The following DIAPH2 variants were observed in gnomAD, a reference collection of about 807,000 sequenced individuals.
The protein encoded by DIAPH2 is protein diaphanous homolog 2.
DIAPH2 carries 35 observed loss-of-function variants against 92.7 expected under a neutral mutation model. The ratio of observed to expected loss-of-function variants is 0.38; its 90% CI spans 0.29 to 0.50. The LOEUF is 0.50. Ranked by LOEUF, DIAPH2 falls within the 20% of genes least tolerant of loss-of-function variation. DIAPH2 has a pLI of 0.94. For missense variants in DIAPH2, 701 were observed against 819.5 expected, an observed-to-expected ratio of 0.86 and a Z score of 1.77; for synonymous variants, 301 against 280.4, an observed-to-expected ratio of 1.07 and a Z score of -0.73.
In DIAPH2 at chrX:97,600,726, A is replaced by G. The variant is rs1005903692; in HGVS notation, c.*1409A>G. On this transcript the variant is annotated 3_prime_UTR_variant, in exon 27 of 27. Coordinates refer to ENST00000324765, the MANE Select transcript of DIAPH2 (RefSeq NM_006729.5). ...GTGATTATTGTAAGAAATTTCTTAC[A>G]TGTATATTTCTTATGTAGAAAATAC... The G allele has an allele frequency of 1.0e-5, 1 of 100,170 alleles. No homozygotes were observed. Among genetic ancestry groups the G allele is most frequent in the African/African-American group, 3.7e-5 (1 of 26,709 alleles). 8.3% of individuals were successfully genotyped at this position (100,170 alleles called of 1,213,427 possible).
chrX:96,917,282 C>T (rs1354663059), intron 8 of DIAPH2, among the ~76,000 whole-genome samples: 1 of 111,117 alleles, frequency 9.0e-6, no homozygotes, highest in Non-Finnish European at 1.9e-5. Flanking sequence ...GTAATAATGT[C>T]AATTTGAGTC....
At chrX:97,450,119 T>C (rs1218157849) in intron 26 of DIAPH2, among the ~76,000 whole-genome samples, 2 of 111,516 alleles carry the variant, frequency 1.8e-5, no homozygotes, top group Non-Finnish European at 3.8e-5. Flanking sequence ...AAATTCTACA[T>C]TGCCTGGAAA....
At chrX:97,120,080 G>C (rs773444088) in intron 21 of DIAPH2, among the ~76,000 whole-genome samples, 8 of 111,883 alleles carry the variant, frequency 7.2e-5, no homozygotes, top group Non-Finnish European at 1.3e-4. Context: ...ACCACTTCAA[G>C]TTGTTACAAA....
chrX:96,926,797 C>T (rs2065585040), intron 9 of DIAPH2, among the ~76,000 whole-genome samples: 1 of 110,973 alleles, frequency 9.0e-6, no homozygotes, highest in Admixed American at 9.6e-5. Context: ...ATATAGAAAC[C>T]AATTGTATTT....
At chrX:97,002,124 T>C (rs1415226996) in intron 17 of DIAPH2, among the ~76,000 whole-genome samples, 2 of 110,909 alleles carry the variant, frequency 1.8e-5, no homozygotes, top group Non-Finnish European at 3.8e-5. Flanking sequence ...ACTCAGTAGG[T>C]CAAATCTAAT....
intron 23 of DIAPH2, among the ~76,000 whole-genome samples, chrX:97,343,378 G>A (rs773064034): frequency 9.0e-6 from 1 of 111,722 alleles, no homozygotes; most frequent in East Asian, 2.8e-4. Flanking sequence ...TATAGAAGTC[G>A]CCAGAGGAAT....
Position 97,388,837 on chromosome X carries a change from A to G in DIAPH2, c.3145+4793A>G, listed in dbSNP as rs145277377. On this transcript the variant is annotated intron_variant, in intron 25 of 26. Coordinates refer to ENST00000324765, the MANE Select transcript of DIAPH2 (RefSeq NM_006729.5). ...CATGTTAAAATAAATAACCTTTTAA[A>G]TGAAAACTACCTATATTTTCCAAAA... Among the ~76,000 whole-genome samples the G allele has an allele frequency of 2.2e-4, 25 of 111,820 alleles. No individual in the cohort carries two copies. The East Asian group carries it at 6.4e-3, about 29-fold the overall frequency.
At chrX:96,868,403 A>G (rs5921197) in intron 4 of DIAPH2, among the ~76,000 whole-genome samples, 5,907 of 111,785 alleles carry the variant, frequency 0.053, 178 homozygotes, top group Middle Eastern at 0.14. Context: ...GATTAAAACT[A>G]TGTTCAAGGA....
chrX:97,484,459 A>C (rs1321463263), intron 26 of DIAPH2, among the ~76,000 whole-genome samples: 1 of 112,463 alleles, frequency 8.9e-6, no homozygotes, highest in Non-Finnish European at 1.9e-5. Flanking sequence ...ATACATAGTC[A>C]ATATTATTGA....
intron 17 of DIAPH2, among the ~76,000 whole-genome samples, chrX:96,995,812 C>T (rs1400020408): frequency 1.9e-5 from 2 of 107,733 alleles, no homozygotes; most frequent in African/African-American, 6.8e-5. Context: ...AAGATTGTAG[C>T]TCAGAAGAAT....
At chrX:96,723,867 A>G (rs1367077838) in intron 1 of DIAPH2, among the ~76,000 whole-genome samples, 1 of 110,310 alleles carries the variant, frequency 9.1e-6, no homozygotes, top group Non-Finnish European at 1.9e-5. Context: ...GTACTGACAC[A>G]GTAATGTGGG....
chrX:97,028,191 G>T (rs746816020), intron 17 of DIAPH2, among the ~76,000 whole-genome samples: 5 of 109,898 alleles, frequency 4.5e-5, no homozygotes, highest in African/African-American at 1.0e-4. Context: ...TATTATTTTC[G>T]TGGCCAATCA....
intron 17 of DIAPH2, among the ~76,000 whole-genome samples, chrX:97,010,072 C>T (rs1411483248): frequency 8.9e-6 from 1 of 112,226 alleles, no homozygotes; most frequent in Non-Finnish European, 1.9e-5. Context: ...GACTGCAGAA[C>T]ACTTTAGCCT....
chrX:97,215,434 T>C (rs151263461), intron 22 of DIAPH2, among the ~76,000 whole-genome samples: 1,873 of 111,925 alleles, frequency 0.017, 40 homozygotes, highest in African/African-American at 0.058. Context: ...AATTTCTAGT[T>C]CTAACCATCG....
At chrX:97,470,586 T>A (rs1296404250) in intron 26 of DIAPH2, among the ~76,000 whole-genome samples, 2 of 110,530 alleles carry the variant, frequency 1.8e-5, no homozygotes, top group Non-Finnish European at 3.8e-5. Context: ...GATATTATTA[T>A]TAATCCATTC....
At chrX:97,119,426 T>C (rs2067039466) in intron 21 of DIAPH2, among the ~76,000 whole-genome samples, 1 of 111,440 alleles carries the variant, frequency 9.0e-6, no homozygotes, top group Admixed American at 9.5e-5. Context: ...CTCTCAGCTG[T>C]AGATACCAGC....
intron 4 of DIAPH2, among the ~76,000 whole-genome samples, chrX:96,861,873 ACT>A (rs1210641559): frequency 9.0e-6 from 1 of 111,009 alleles, no homozygotes; most frequent in East Asian, 2.8e-4. Context: ...CATTTCCATG[ACT>A]CTGTTTCATT....
At chrX:96,748,175 C>A (rs115774516) in intron 3 of DIAPH2, among the ~76,000 whole-genome samples, 3,790 of 111,557 alleles carry the variant, frequency 0.034, 163 homozygotes, top group African/African-American at 0.12. Flanking sequence ...GAAATGCTTT[C>A]AAAAATATTT....
chrX:97,099,321 G>C (rs746562082), intron 19 of DIAPH2, among the ~76,000 whole-genome samples: 119 of 109,689 alleles, frequency 1.1e-3, no homozygotes, highest in African/African-American at 3.6e-3. Flanking sequence ...AGCCGAGATC[G>C]CGCCACTGCA....
Sources: gnomAD v4.1 joint callset for allele counts (sites outside exome capture counted in the v4.1 genomes callset) on GRCh38, gnomAD v4.1.1 for gene constraint, MANE v1.5 for transcripts, NCBI Gene and HGNC (gene_info 2026-07-23, HGNC 2026-07-21) for gene names.